Variants in ARHGAP11A observed in about 807,000 individuals in gnomAD.
ARHGAP11A encodes the protein rho GTPase-activating protein 11A.
In ARHGAP11A, 36 loss-of-function variants were observed where a neutral mutation model predicts 60.5. The ratio of observed to expected loss-of-function variants is 0.59; its 90% CI spans 0.46 to 0.79. The LOEUF is 0.79. Among genes scored for constraint, ARHGAP11A ranks in the 30% least tolerant of loss-of-function variants. The pLI is 0.00. For synonymous variants in ARHGAP11A, 362 were observed against 415.5 expected (o/e 0.87, Z 1.57); for missense variants, 1,071 against 1,199.2 (o/e 0.89, Z 1.58).
chr15:32,632,291 T>G (rs577399771), intron 8 of ARHGAP11A, among the ~76,000 whole-genome samples: 1 of 110,726 alleles, frequency 9.0e-6, no homozygotes, highest in Non-Finnish European at 1.9e-5. Context: ...TTTACTATAG[T>G]TGATTTCATA....
rs1432597114 is a variant in ARHGAP11A, at chr15:32,639,473, T to A, written c.*1628T>A. On this transcript the variant is annotated 3_prime_UTR_variant, in exon 12 of 12. Coordinates refer to ENST00000361627, the MANE Select transcript of ARHGAP11A (RefSeq NM_014783.6). ...CAAAATATTCATATAGTCAGATATA[T>A]GTTGTCTGCTTTAAACAATTTTTAA... 6.6e-6 allele frequency: 1 copy of A among 152,268 alleles called. No homozygotes were observed. The highest frequency in any genetic ancestry group is 1.5e-5 in the Non-Finnish European group (1 of 68,052). The allele number at this position is 152,268 out of a possible 1,614,324, so 9.4% of individuals were successfully genotyped here. A position where few individuals can be genotyped will look rare whatever the true frequency, so the allele number is the denominator to read the frequency against.
chr15:32,621,564 G>T (rs1454952644), intron 2 of ARHGAP11A, among the ~76,000 whole-genome samples: 1 of 152,290 alleles, frequency 6.6e-6, no homozygotes, highest in Non-Finnish European at 1.5e-5. Context: ...CGGGGCTCAC[G>T]CCTGTAATCC....
chr15:32,634,589 A>G (rs954583149), intron 10 of ARHGAP11A, among the ~76,000 whole-genome samples: 13 of 152,154 alleles, frequency 8.5e-5, no homozygotes, highest in African/African-American at 3.1e-4. Context: ...CTGTCTCTTA[A>G]CATCTGCTTT....
In ARHGAP11A at chr15:32,639,884, A is replaced by G. The variant is rs2053811409; in HGVS notation, c.*2039A>G. On this transcript the variant is annotated 3_prime_UTR_variant, in exon 12 of 12. Transcript: ENST00000361627. ...ATGATATGAAAGTGTCTGGACGTGC[A>G]GTAACCTCATGGGTTCTTCTCACTG... 1.3e-5 allele frequency: 2 copies of G among 152,186 alleles called. No individual in the cohort carries two copies. The highest frequency in any genetic ancestry group is 4.8e-5 in the African/African-American group (2 of 41,436). The allele number at this position is 152,186 out of a possible 1,614,324, so 9.4% of individuals were successfully genotyped here. A position where few individuals can be genotyped will look rare whatever the true frequency, so the allele number is the denominator to read the frequency against.
intron 1 of ARHGAP11A, among the ~76,000 whole-genome samples, chr15:32,618,275 C>T (rs185024749): frequency 0.018 from 2,519 of 139,652 alleles, 74 homozygotes; most frequent in African/African-American, 0.064. Context: ...AATAATAAGA[C>T]TTAAGGAAAA....
At chr15:32,627,832 C>T (rs62001768) in intron 6 of ARHGAP11A, among the ~76,000 whole-genome samples, 20,253 of 132,896 alleles carry the variant, frequency 0.15, 1,920 homozygotes, top group East Asian at 0.32. Context: ...TTTTTTGAGA[C>T]GGAGTCTGTC....
chr15:32,636,011 G>A (rs2053705331), intron 11 of ARHGAP11A, 96 bp downstream of exon 11: 1 of 1,441,130 alleles, frequency 6.9e-7, no homozygotes, highest in Admixed American at 2.9e-5. Context: ...CTGTTCTAGA[G>A]ATTAAAAGTT....
In ARHGAP11A at chr15:32,625,193, G is replaced by A. The variant is rs2053429448; in HGVS notation, c.665G>A (p.Arg222Gln). Reference protein sequence around the residue: ...KMSSNTEKKLRLQAAVVQTLI... With the variant: ...KMSSNTEKKLQLQAAVVQTLI... ...TCTTCTAACACAGAAAAGAAGCTAC[G>A]ATTACAGGCTGCAGTAGTACAGACT... Residue 222 changes from arginine to glutamine, a missense_variant, in exon 5 of 12, where the codon CGA becomes CAA. By Grantham distance (43) the Arg-to-Gln change is conservative. Transcript: ENST00000361627. The A allele has an allele frequency of 3.1e-6, 5 of 1,613,716 alleles. No individual in the cohort carries two copies. The highest frequency in any genetic ancestry group is 2.2e-5 in the South Asian group (2 of 91,064).
At position 32,625,053 on chromosome 15, in the gene ARHGAP11A, A is replaced by G. The variant is rs200164218; in HGVS notation, c.552-27A>G. The G allele has an allele frequency of 7.5e-4, 1,205 of 1,612,364 alleles. 1 individual carries two copies. Among genetic ancestry groups the G allele is most frequent in the Non-Finnish European group, 8.9e-4 (1,044 of 1,179,098 alleles). On this transcript the variant is annotated intron_variant, in intron 4 of 11. Coordinates refer to ENST00000361627, the MANE Select transcript of ARHGAP11A (RefSeq NM_014783.6). ...CTTCTGTATTTTCACGTTTGGCTCC[A>G]TCTAATAAAGCGTTTATTCACTTAA...
intron 3 of ARHGAP11A, among the ~76,000 whole-genome samples, chr15:32,623,918 C>T (rs2053394709): frequency 6.6e-6 from 1 of 151,976 alleles, no homozygotes; most frequent in African/African-American, 2.4e-5. Context: ...GTCCCAGCTA[C>T]TTGGGAGGCT....
chr15:32,634,106 A>G, intron 10 of ARHGAP11A, 65 bp downstream of exon 10: 1 of 1,090,226 alleles, frequency 9.2e-7, no homozygotes, highest in East Asian at 2.7e-5. Flanking sequence ...ATACTAAAAA[A>G]CACTCATAGC....
At position 32,636,788 on chromosome 15, in the gene ARHGAP11A, G is replaced by T. The variant is rs2053726442; in HGVS notation, c.2015G>T (p.Arg672Met). 1 of 1,611,154 alleles carries T rather than the reference G, an allele frequency of 6.2e-7. No homozygotes were observed. Residue 672 changes from arginine to methionine, a missense_variant, in exon 12 of 12, where the codon AGG becomes ATG. Arg to Met is a moderately conservative substitution (Grantham distance 91). Transcript: ENST00000361627. ...TGKGEKCFSE[R>M]DFSPLQTQTF... ...AAAGGTGAAAAATGTTTTTCAGAGA[G>T]GGACTTTTCACCCCTTCAAACTCAA... is the stretch of plus-strand genomic sequence containing the variant.
Position 32,628,719 on chromosome 15 carries a change from G to A in ARHGAP11A, c.863-9G>A. 6.4e-7 allele frequency: 1 copy of A among 1,561,782 alleles called. No individual in the cohort carries two copies. ...GTGAAGTTGTAATTGCTTATGCCTTGCATTTCAGATTTTGTTAGTGGAGCA... is the reference window on the plus strand; with the variant it reads ...GTGAAGTTGTAATTGCTTATGCCTTACATTTCAGATTTTGTTAGTGGAGCA... On this transcript the variant is annotated splice_polypyrimidine_tract_variant and intron_variant, in intron 6 of 11. Coordinates refer to ENST00000361627, the MANE Select transcript of ARHGAP11A (RefSeq NM_014783.6).
At chr15:32,621,941 A>G (rs1176444072) in intron 2 of ARHGAP11A, among the ~76,000 whole-genome samples, 3 of 152,310 alleles carry the variant, frequency 2.0e-5, no homozygotes, top group Admixed American at 6.5e-5. Context: ...CTATAGACCA[A>G]TAATCTAGGT....
intron 11 of ARHGAP11A, 69 bp from the exon 12 acceptor site, chr15:32,636,188 A>T (rs2053709170): frequency 2.7e-6 from 4 of 1,487,496 alleles, no homozygotes; most frequent in Non-Finnish European, 3.6e-6. Context: ...CTTATTTGCC[A>T]TGTGCTTGGG....
chr15:32,623,426 T>C (rs2053383521), intron 2 of ARHGAP11A, 66 bp from the exon 3 acceptor site: 3 of 1,440,508 alleles, frequency 2.1e-6, no homozygotes, highest in Non-Finnish European at 2.9e-6. Flanking sequence ...GGCCTGCTCA[T>C]GTATGTTAGC....
chr15:32,624,030 A>C, intron 3 of ARHGAP11A, 143 bp from the exon 4 acceptor site: 1 of 599,004 alleles, frequency 1.7e-6, no homozygotes, highest in Non-Finnish European at 3.0e-6. Flanking sequence ...AAAATCATTA[A>C]AAATAAAGTA....
chr15:32,622,429 G>GAAAAA (rs56163024), intron 2 of ARHGAP11A, among the ~76,000 whole-genome samples: 2 of 142,204 alleles, frequency 1.4e-5, no homozygotes, highest in African/African-American at 5.2e-5. Flanking sequence ...AAAACTAAAA[G>GAAAAA]AAAAAAAAAA....
At position 32,637,627 on chromosome 15, in the gene ARHGAP11A, A is replaced by C. The variant is rs1452145995; in HGVS notation, c.2854A>C (p.Ile952Leu). 2 of 1,614,202 alleles carry C rather than the reference A, an allele frequency of 1.2e-6. No homozygotes were observed. Among genetic ancestry groups the C allele is most frequent in the Admixed American group, 1.7e-5 (1 of 60,028 alleles). Residue 952 changes from isoleucine (I) to leucine (L), a missense_variant, in exon 12 of 12, where the codon ATC (isoleucine) becomes CTC (leucine). Ile to Leu is a conservative substitution (Grantham distance 5). Coordinates refer to ENST00000361627, the MANE Select transcript of ARHGAP11A (RefSeq NM_014783.6). Reference protein sequence around the residue: ...LRSTTVYKQKILSDGQVKVPL... With the variant: ...LRSTTVYKQKLLSDGQVKVPL... ...GTCTACTACAGTTTATAAACAGAAGATCTTATCTGATGGCCAAGTTAAGGT... is the reference window on the plus strand; with the variant it reads ...GTCTACTACAGTTTATAAACAGAAGCTCTTATCTGATGGCCAAGTTAAGGT...
Sources: allele counts gnomAD v4.1 joint callset (sites outside exome capture counted in the v4.1 genomes callset), GRCh38; gene constraint gnomAD v4.1.1; transcripts MANE v1.5; gene names NCBI Gene and HGNC (gene_info 2026-07-23, HGNC 2026-07-21).